NOTCH2: variants seen among roughly 807,000 people sequenced by gnomAD.
NOTCH2 encodes neurogenic locus notch homolog protein 2.
NOTCH2 carries 29 observed loss-of-function variants against 235.8 expected under a neutral mutation model. The observed-to-expected ratio is 0.12, with a 90% CI of 0.09 to 0.17. The LOEUF (loss-of-function observed/expected upper bound fraction) is 0.17, where lower values mean the gene tolerates loss of function less well. Ranked by LOEUF, NOTCH2 falls within the 10% of genes least tolerant of loss-of-function variation. The pLI is 1.00. For synonymous variants in NOTCH2, 1,086 were observed against 1,141.5 expected (o/e 0.95, Z 0.98); for missense variants, 2,285 against 3,150.2 (o/e 0.73, Z 6.57).
rs1653791520 is a variant in NOTCH2 at position 120,025,107 on chromosome 1, T to C, written c.155+4799A>G. On this transcript the variant is annotated intron_variant, in intron 2 of 33. Coordinates refer to ENST00000256646, the MANE Select transcript of NOTCH2 (RefSeq NM_024408.4). The stretch of plus-strand genomic sequence containing the variant: ...CTGTGATACTGAGGAGTCAGAGGTA[T>C]CTGGAGCTGTCACAGCAGCTAGAAT... Among the ~76,000 whole-genome samples the C allele has an allele frequency of 2.0e-5, 3 of 151,738 alleles. No individual in the cohort carries two copies. The East Asian group carries it at 5.8e-4, about 29-fold the overall frequency.
At chr1:119,925,203 G>A in intron 25 of NOTCH2, 102 bp downstream of exon 25, 1 of 1,449,390 alleles carries the variant, frequency 6.9e-7, no homozygotes, top group East Asian at 2.3e-5. Context: ...GAAAAGCAGA[G>A]GCAGCTTAGG....
chr1:119,966,706 G>A (rs192784888), intron 8 of NOTCH2, among the ~76,000 whole-genome samples: 1 of 152,260 alleles, frequency 6.6e-6, no homozygotes, highest in East Asian at 1.9e-4. Context: ...AGCGGGAAGG[G>A]ATTACATTAA....
chr1:119,936,475 T>A (rs1553195735), intron 21 of NOTCH2, among the ~76,000 whole-genome samples: 1 of 152,180 alleles, frequency 6.6e-6, no homozygotes, highest in South Asian at 2.1e-4. Flanking sequence ...AAGCTCTAAA[T>A]AGCTAAAAAT....
At chr1:120,063,764 C>A (rs1157024593) in intron 1 of NOTCH2, among the ~76,000 whole-genome samples, 3 of 152,192 alleles carry the variant, frequency 2.0e-5, no homozygotes, top group African/African-American at 7.2e-5. Context: ...GTAAGAATCA[C>A]CTGGCTATTT....
rs2101156514 is a variant in NOTCH2, at chr1:119,922,776, G to A, written c.4862C>T (p.Ser1621Phe). Residue 1621 changes from serine (S) to phenylalanine (F), a missense_variant and splice_region_variant, in exon 27 of 34, where the codon TCT (serine) becomes TTT (phenylalanine). By Grantham distance (155) the Ser-to-Phe change is radical. Coordinates refer to ENST00000256646, the MANE Select transcript of NOTCH2 (RefSeq NM_024408.4). ...GTTGTCAATTTCCAGAAAGACTTTAGAGCTGTGGGATGCCAAGGGAGAAGC... is the reference window on the plus strand; with the variant it reads ...GTTGTCAATTTCCAGAAAGACTTTAAAGCTGTGGGATGCCAAGGGAGAAGC... ...PGEQEQEVAGSKVFLEIDNRQ... is the reference protein window; with the variant it reads ...PGEQEQEVAGFKVFLEIDNRQ... 6.2e-7 allele frequency: 1 copy of A among 1,614,128 alleles called. No homozygotes were observed. The highest frequency in any genetic ancestry group is 8.5e-7 in the Non-Finnish European group (1 of 1,180,036).
intron 12 of NOTCH2, among the ~76,000 whole-genome samples, chr1:119,957,116 C>T (rs767644154): frequency 7.9e-5 from 12 of 152,234 alleles, no homozygotes; most frequent in Non-Finnish European, 1.5e-4. Context: ...GCAACATTCA[C>T]TAAGCGTTTC....
intron 5 of NOTCH2, among the ~76,000 whole-genome samples, chr1:119,983,303 G>A (rs1467926036): frequency 2.0e-5 from 3 of 151,382 alleles, no homozygotes; most frequent in Admixed American, 6.6e-5. Flanking sequence ...ACAGGTGCAC[G>A]CCACCACACC....
chr1:119,943,165 CTT>C (rs1247683208), intron 17 of NOTCH2, among the ~76,000 whole-genome samples: 7 of 152,284 alleles, frequency 4.6e-5, no homozygotes, highest in African/African-American at 1.7e-4. Context: ...ACTTATTTAT[CTT>C]ATCACTGCCG....
At chr1:119,996,522 C>T (rs1652457242) in intron 4 of NOTCH2, 1 of 626,294 alleles carries the variant, frequency 1.6e-6, no homozygotes, top group Non-Finnish European at 2.9e-6. Context: ...TCAAGGGCAG[C>T]TGGGTGCATT....
intron 22 of NOTCH2, among the ~76,000 whole-genome samples, chr1:119,931,367 A>G (rs915345469): frequency 3.3e-5 from 5 of 152,158 alleles, no homozygotes; most frequent in African/African-American, 9.7e-5. Flanking sequence ...ACATACCAGG[A>G]TTTGGTTAGC....
intron 2 of NOTCH2, among the ~76,000 whole-genome samples, chr1:120,024,835 A>G (rs1653779257): frequency 6.6e-6 from 1 of 151,702 alleles, no homozygotes; most frequent in African/African-American, 2.4e-5. Context: ...TATATTTCCA[A>G]TTTTCATCAT....
intron 5 of NOTCH2, among the ~76,000 whole-genome samples, chr1:119,977,493 A>T (rs1651631520): frequency 6.6e-6 from 1 of 152,192 alleles, no homozygotes; most frequent in African/African-American, 2.4e-5. Context: ...ACACCAGCCC[A>T]GTCAGCCCTC....
rs759456867 is a variant in NOTCH2, at chr1:119,915,354, C to T, written c.7368G>A (p.Gly2456=). 17 of 1,613,924 alleles carry T rather than the reference C, an allele frequency of 1.1e-5. No homozygotes were observed. The highest frequency in any genetic ancestry group is 3.3e-4 in the Middle Eastern group (2 of 5,996). The change falls in exon 34 of 34, where the codon GGG becomes GGA. Residue 2456 remains glycine, a synonymous_variant. Transcript: ENST00000256646. ...TGTGTGGTGGCTCAGACATGTGTGTCCCAGGTCCCCGCTGACCTCCTCCAG... is the reference window on the plus strand; with the variant it reads ...TGTGTGGTGGCTCAGACATGTGTGTTCCAGGTCCCCGCTGACCTCCTCCAG... ...GGAGGGQRGP[G]THMSEPPHNN...
chr1:119,941,835 T>C, intron 17 of NOTCH2, 81 bp from the exon 18 acceptor site: 2 of 1,091,122 alleles, frequency 1.8e-6, no homozygotes, highest in Non-Finnish European at 2.8e-6. Context: ...TGACCTGAAC[T>C]AAGTCATGCT....
intron 4 of NOTCH2, among the ~76,000 whole-genome samples, chr1:119,989,589 G>A (rs1160059930): frequency 2.0e-5 from 3 of 151,588 alleles, no homozygotes; most frequent in Non-Finnish European, 2.9e-5. Flanking sequence ...TAAGAGACTT[G>A]TATTTAGGAT....
intron 22 of NOTCH2, among the ~76,000 whole-genome samples, chr1:119,933,422 A>G (rs1553195399): frequency 1.3e-5 from 2 of 152,214 alleles, no homozygotes; most frequent in African/African-American, 4.8e-5. Context: ...ACAAGCACAC[A>G]CAGTAAAATA....
In NOTCH2 at chr1:120,039,224, C is replaced by T. The variant is rs587605731; in HGVS notation, c.74-9237G>A. 2.6e-5 allele frequency among the ~76,000 whole-genome samples: 4 copies of T among 152,184 alleles called. No homozygotes were observed. In the East Asian group the frequency reaches 5.8e-4, roughly 22 times the overall value. ...TATCTAGAAATTTAATTATTCTCTA[C>T]AAAAACTGCTATATATTTGTGTGCT... On this transcript the variant is annotated intron_variant, in intron 1 of 33. Coordinates refer to ENST00000256646, the MANE Select transcript of NOTCH2 (RefSeq NM_024408.4).
chr1:119,957,134 C>G (rs1399563170), intron 12 of NOTCH2, among the ~76,000 whole-genome samples: 3 of 152,226 alleles, frequency 2.0e-5, no homozygotes, highest in African/African-American at 7.2e-5. Context: ...TTCCTACGTG[C>G]CAGACATTGC....
intron 22 of NOTCH2, among the ~76,000 whole-genome samples, chr1:119,934,311 C>T (rs903745782): frequency 1.3e-5 from 2 of 152,136 alleles, no homozygotes; most frequent in African/African-American, 2.4e-5. Flanking sequence ...GCCAAATATA[C>T]CTCTTTCGAA....
Sources: gnomAD v4.1 joint callset for allele counts (sites outside exome capture counted in the v4.1 genomes callset) on GRCh38, gnomAD v4.1.1 for gene constraint, MANE v1.5 for transcripts, NCBI Gene and HGNC (gene_info 2026-07-23, HGNC 2026-07-21) for gene names.